SLC26A5: variants seen among roughly 807,000 people sequenced by gnomAD.
The protein encoded by SLC26A5 is prestin.
In SLC26A5, 51 loss-of-function variants were observed where a neutral mutation model predicts 81.0. The observed-to-expected ratio is 0.63, with a 90% CI of 0.50 to 0.80. The LOEUF (loss-of-function observed/expected upper bound fraction) is 0.80. SLC26A5 is among the 30% of genes least tolerant of loss of function. The pLI is 0.00. For synonymous variants in SLC26A5, 325 were observed against 332.8 expected (o/e 0.98, Z 0.25); for missense variants, 771 against 905.8 (o/e 0.85, Z 1.91).
rs560792658 is a variant in SLC26A5, at chr7:103,406,978, G to A, written c.888+873C>T. 5.3e-5 allele frequency among the ~76,000 whole-genome samples: 8 copies of A among 152,218 alleles called. No homozygotes were observed. In the South Asian group the frequency reaches 6.2e-4, roughly 12 times the overall value. On this transcript the variant is annotated intron_variant, in intron 8 of 19. Coordinates refer to ENST00000306312, the MANE Select transcript of SLC26A5 (RefSeq NM_198999.3). ...CGACTCTTCATTTCTTATCCTTGCC[G>A]CTCCCACACACGTGCAAACAAGCCC...
chr7:103,432,017 T>C (rs1826116666), intron 2 of SLC26A5, among the ~76,000 whole-genome samples: 1 of 152,166 alleles, frequency 6.6e-6, no homozygotes, highest in African/African-American at 2.4e-5. Flanking sequence ...CTGGGTTCAA[T>C]AGATTGTTGT....
chr7:103,424,175 C>T (rs376267513), intron 2 of SLC26A5, among the ~76,000 whole-genome samples: 154 of 152,320 alleles, frequency 1.0e-3, no homozygotes, highest in African/African-American at 3.5e-3. Context: ...CCCTTCACTC[C>T]TTCCATTTTC....
chr7:103,404,982 A>T (rs1473151258), intron 8 of SLC26A5, among the ~76,000 whole-genome samples: 1 of 151,440 alleles, frequency 6.6e-6, no homozygotes, highest in African/African-American at 2.4e-5. Context: ...TTGACTATTT[A>T]TACTTGTGTA....
intron 8 of SLC26A5, among the ~76,000 whole-genome samples, chr7:103,399,575 T>A (rs530799539): frequency 2.6e-3 from 396 of 152,348 alleles, no homozygotes; most frequent in Non-Finnish European, 4.0e-3. Context: ...ACTTCTTTTT[T>A]AAATTTTTAA....
intron 1 of SLC26A5, chr7:103,445,557 G>T (rs1327867288): frequency 6.6e-6 from 1 of 152,272 alleles, no homozygotes; most frequent in African/African-American, 2.4e-5. Flanking sequence ...AGAGACCCGG[G>T]GTTTGAGCCT....
At chr7:103,423,409 C>A (rs1269058374) in intron 2 of SLC26A5, among the ~76,000 whole-genome samples, 3 of 152,240 alleles carry the variant, frequency 2.0e-5, no homozygotes, top group Middle Eastern at 6.8e-3. Context: ...CAAATGCAAC[C>A]AAGTACCACC....
rs561080408 is a variant in SLC26A5 at position 103,397,784 on chromosome 7, A to T, written c.971+148T>A. 7.7e-6 allele frequency: 5 copies of T among 645,580 alleles called. No homozygotes were observed. In the Admixed American group the frequency reaches 1.5e-4, roughly 19 times the overall value. The allele number at this position is 645,580 out of a possible 1,614,324, so 40.0% of individuals were successfully genotyped here. On this transcript the variant is annotated intron_variant, in intron 9 of 19. Coordinates refer to ENST00000306312, the MANE Select transcript of SLC26A5 (RefSeq NM_198999.3). ...TTTTTACTACAATAAAAATAAAAAT[A>T]AAATGCACCCAATCCCCCTAAAGCC...
Position 103,445,581 on chromosome 7 carries a change from G to A in SLC26A5, c.-183+517C>T, listed in dbSNP as rs547798486. ...GGGTTTGAGCCTTGCCCGGCGCTGA[G>A]CGGAGGGCCCAGTTTCGGGACCACA... On this transcript the variant is annotated intron_variant, in intron 1 of 19. Coordinates refer to ENST00000306312, the MANE Select transcript of SLC26A5 (RefSeq NM_198999.3). 3 of 152,384 alleles carry A rather than the reference G, an allele frequency of 2.0e-5. No homozygotes were observed. In the South Asian group the frequency reaches 6.2e-4, roughly 32 times the overall value. 9.4% of individuals were successfully genotyped at this position (152,384 alleles called of 1,614,324 possible). A position where few individuals can be genotyped will look rare whatever the true frequency, so the allele number is the denominator to read the frequency against.
chr7:103,419,555 T>C (rs78611075), intron 4 of SLC26A5, among the ~76,000 whole-genome samples: 3 of 151,880 alleles, frequency 2.0e-5, no homozygotes, highest in South Asian at 2.1e-4. Context: ...TTTTTTTTTT[T>C]CCAATAGAGT....
Position 103,401,569 on chromosome 7 carries a change from T to C in SLC26A5, c.889-3555A>G, listed in dbSNP as rs192875650. 3.9e-5 allele frequency among the ~76,000 whole-genome samples: 6 copies of C among 152,332 alleles called. No homozygotes were observed. In the East Asian group the frequency reaches 1.2e-3, roughly 29 times the overall value. ...CCCTTTATTTCTTTCTCTTGCCTGA[T>C]TGTCCTGGCCAGAACTTCCAATACT... On this transcript the variant is annotated intron_variant, in intron 8 of 19. Transcript: ENST00000306312.
At chr7:103,414,168 G>T in intron 4 of SLC26A5, among the ~76,000 whole-genome samples, 1 of 128,104 alleles carries the variant, frequency 7.8e-6, no homozygotes, top group South Asian at 2.5e-4. Context: ...TATTTTTACT[G>T]TCTTTGAAGT....
intron 8 of SLC26A5, among the ~76,000 whole-genome samples, chr7:103,398,585 C>T (rs896965543): frequency 1.3e-5 from 2 of 152,092 alleles, no homozygotes; most frequent in African/African-American, 4.8e-5. Context: ...ACTTTACATA[C>T]GCCCATCCTG....
chr7:103,444,536 C>T (rs1478752631), intron 1 of SLC26A5, among the ~76,000 whole-genome samples: 1 of 152,256 alleles, frequency 6.6e-6, no homozygotes, highest in Non-Finnish European at 1.5e-5. Context: ...TTAGAAACTT[C>T]CTCAGTCTTC....
chr7:103,405,181 C>T (rs1823940788), intron 8 of SLC26A5, among the ~76,000 whole-genome samples: 1 of 152,138 alleles, frequency 6.6e-6, no homozygotes. Context: ...AAGCTTACTT[C>T]TGTCCATTCG....
intron 19 of SLC26A5, among the ~76,000 whole-genome samples, chr7:103,363,114 T>C (rs1820509069): frequency 6.6e-6 from 1 of 152,202 alleles, no homozygotes; most frequent in Non-Finnish European, 1.5e-5. Context: ...TATATATTTT[T>C]TGAGACAGAG....
At chr7:103,370,442 G>A (rs541858360), downstream of SLC26A5, among the ~76,000 whole-genome samples, 5 of 140,410 alleles carry the variant, frequency 3.6e-5, no homozygotes, top group South Asian at 1.1e-3. Flanking sequence ...AGATTCACTA[G>A]GTTTGCTACC....
downstream of SLC26A5, among the ~76,000 whole-genome samples, chr7:103,372,254 AAG>A (rs1189698374): frequency 6.6e-6 from 1 of 152,190 alleles, no homozygotes; most frequent in Non-Finnish European, 1.5e-5. Context: ...TAAATTAGTA[AAG>A]AGAGTGAGAA....
At chr7:103,387,981 C>T (rs1822330667) in intron 14 of SLC26A5, among the ~76,000 whole-genome samples, 1 of 151,978 alleles carries the variant, frequency 6.6e-6, no homozygotes, top group Non-Finnish European at 1.5e-5. Flanking sequence ...TGTGCCTGGC[C>T]AGTCCAGGCT....
chr7:103,404,663 G>A (rs1823883252), intron 8 of SLC26A5, among the ~76,000 whole-genome samples: 1 of 151,926 alleles, frequency 6.6e-6, no homozygotes, highest in Admixed American at 6.6e-5. Context: ...TGTGTCTTGG[G>A]GTTGCTCTTC....
Sources: allele counts gnomAD v4.1 joint callset (sites outside exome capture counted in the v4.1 genomes callset), GRCh38; gene constraint gnomAD v4.1.1; transcripts MANE v1.5; gene names NCBI Gene and HGNC (gene_info 2026-07-23, HGNC 2026-07-21).